Variants in PCCA observed in about 807,000 individuals in gnomAD.
The protein encoded by PCCA is propionyl-CoA carboxylase alpha chain, mitochondrial.
A neutral mutation model predicts 101.3 loss-of-function variants in PCCA; 74 were observed. That is an observed-to-expected ratio of 0.73 (90% confidence interval 0.61 to 0.89). The LOEUF is 0.89. PCCA is among the 40% of genes least tolerant of loss of function. The pLI is 0.00. For synonymous variants in PCCA, 294 were observed against 313.6 expected (o/e 0.94, Z 0.66); for missense variants, 891 against 907.0 (o/e 0.98, Z 0.23).
At chr13:100,260,472 C>T (rs899262642) in intron 9 of PCCA, among the ~76,000 whole-genome samples, 2 of 151,396 alleles carry the variant, frequency 1.3e-5, no homozygotes, top group African/African-American at 4.9e-5. Flanking sequence ...TCTCGGCTCA[C>T]TGCAACCTCT....
chr13:100,380,975 CAT>C, intron 19 of PCCA, among the ~76,000 whole-genome samples: 1 of 152,204 alleles, frequency 6.6e-6, no homozygotes, highest in African/African-American at 2.4e-5. Context: ...CCGGTAAGCA[CAT>C]ATAGAGATGT....
intron 6 of PCCA, among the ~76,000 whole-genome samples, chr13:100,180,417 A>G (rs2056684982): frequency 6.6e-6 from 1 of 152,088 alleles, no homozygotes; most frequent in Non-Finnish European, 1.5e-5. Context: ...ATTCTTGCCT[A>G]TTGGGGTTAA....
At chr13:100,456,944 A>T (rs1030823252) in intron 21 of PCCA, among the ~76,000 whole-genome samples, 1 of 151,288 alleles carries the variant, frequency 6.6e-6, no homozygotes, top group African/African-American at 2.5e-5. Context: ...CAAGGAAAAG[A>T]GACTCCGTTT....
At chr13:100,420,650 G>C (rs1480945657) in intron 19 of PCCA, among the ~76,000 whole-genome samples, 2 of 152,152 alleles carry the variant, frequency 1.3e-5, no homozygotes, top group Non-Finnish European at 2.9e-5. Flanking sequence ...AATTATAGAT[G>C]TAGCAGAGAT....
chr13:100,194,940 G>A (rs75552843), intron 6 of PCCA, among the ~76,000 whole-genome samples: 62 of 152,184 alleles, frequency 4.1e-4, no homozygotes, highest in African/African-American at 1.5e-3. Flanking sequence ...CTGTAAAATT[G>A]CCAATTATAT....
chr13:100,164,343 G>A (rs1335837319), intron 6 of PCCA, among the ~76,000 whole-genome samples: 1 of 152,182 alleles, frequency 6.6e-6, no homozygotes, highest in Non-Finnish European at 1.5e-5. Flanking sequence ...AGCTTTGGGA[G>A]CTGGCAGGCT....
intron 21 of PCCA, among the ~76,000 whole-genome samples, chr13:100,511,355 G>A (rs565229506): frequency 2.6e-5 from 4 of 152,310 alleles, no homozygotes; most frequent in Admixed American, 6.5e-5. Flanking sequence ...GCCACGCTGC[G>A]GAAATGAAGA....
intron 19 of PCCA, among the ~76,000 whole-genome samples, chr13:100,422,062 CTCTTTTCTTTTCT>C (rs748906588): frequency 1.3e-3 from 74 of 56,196 alleles, no homozygotes; most frequent in Middle Eastern, 8.5e-3. Context: ...CTTTTCTCTT[CTCTTTTCTTTTCT>C]TTCTTTCTTT....
chr13:100,229,664 A>G (rs1166664179), intron 7 of PCCA, among the ~76,000 whole-genome samples: 2 of 152,176 alleles, frequency 1.3e-5, no homozygotes, highest in Non-Finnish European at 2.9e-5. Context: ...AATTGGGACA[A>G]ATACAAAATG....
chr13:100,401,083 ATTG>A (rs929494647), intron 19 of PCCA, among the ~76,000 whole-genome samples: 6 of 152,054 alleles, frequency 3.9e-5, no homozygotes, highest in Admixed American at 2.6e-4. Flanking sequence ...ATTTCAGACT[ATTG>A]TTTCTTTTCC....
chr13:100,494,677 C>CAA (rs11459166), intron 21 of PCCA, among the ~76,000 whole-genome samples: 33,745 of 143,434 alleles, frequency 0.24, 4,964 homozygotes, highest in East Asian at 0.64. Flanking sequence ...GAGCAAAACT[C>CAA]AAAAAAAAAA....
chr13:100,474,450 CTCTCTCTCTCTCTCTCTCTG>C (rs1448466461), intron 21 of PCCA, among the ~76,000 whole-genome samples: 2 of 125,394 alleles, frequency 1.6e-5, no homozygotes, highest in Non-Finnish European at 3.5e-5. Flanking sequence ...TTCTCTCTCT[CTCTCTCTCTCTCTCTCTCTG>C]TCTCTGTCTC....
chr13:100,412,384 G>A (rs1260819365), intron 19 of PCCA, among the ~76,000 whole-genome samples: 1 of 152,210 alleles, frequency 6.6e-6, no homozygotes, highest in Non-Finnish European at 1.5e-5. Flanking sequence ...GGTGAAGGGT[G>A]TAAGGGAACT....
chr13:100,295,871 G>A (rs2065487897), intron 12 of PCCA, among the ~76,000 whole-genome samples: 1 of 152,114 alleles, frequency 6.6e-6, no homozygotes, highest in Non-Finnish European at 1.5e-5. Flanking sequence ...TTTACATGTT[G>A]TGACTTTTCC....
chr13:100,112,576 C>CT (rs5806149), intron 4 of PCCA, among the ~76,000 whole-genome samples: 53,779 of 123,850 alleles, frequency 0.43, 12,119 homozygotes, highest in Middle Eastern at 0.64. Context: ...CACAGCAGGC[C>CT]TTTTTTTTTT....
chr13:100,234,936 G>A (rs1023238090), intron 7 of PCCA, among the ~76,000 whole-genome samples: 2 of 151,160 alleles, frequency 1.3e-5, no homozygotes, highest in African/African-American at 4.9e-5. Context: ...CCACACACAC[G>A]AAGGAGGCTT....
chr13:100,347,531 T>C (rs2072463403), intron 18 of PCCA, among the ~76,000 whole-genome samples: 1 of 152,242 alleles, frequency 6.6e-6, no homozygotes, highest in African/African-American at 2.4e-5. Context: ...TGATTTGTAG[T>C]GTTTTAGATA....
At chr13:100,092,960 T>C (rs1402235528) in intron 1 of PCCA, among the ~76,000 whole-genome samples, 2 of 152,212 alleles carry the variant, frequency 1.3e-5, no homozygotes, top group East Asian at 3.8e-4. Flanking sequence ...ACCATTTGGA[T>C]TTTATTCTGT....
chr13:100,361,016 A>G (rs965637780), intron 18 of PCCA, among the ~76,000 whole-genome samples: 1 of 152,214 alleles, frequency 6.6e-6, no homozygotes, highest in Non-Finnish European at 1.5e-5. Context: ...ACAAATACAT[A>G]TTGGTATGGG....
Sources: gnomAD v4.1 joint callset for allele counts (sites outside exome capture counted in the v4.1 genomes callset) on GRCh38, gnomAD v4.1.1 for gene constraint, MANE v1.5 for transcripts, NCBI Gene and HGNC (gene_info 2026-07-23, HGNC 2026-07-21) for gene names.